Variants in RARB observed in about 807,000 individuals in gnomAD.
RARB encodes the protein retinoic acid receptor beta.
In RARB, 17 loss-of-function variants were observed where a neutral mutation model predicts 51.9. The observed-to-expected ratio is 0.33, with a 90% CI of 0.22 to 0.49. RARB has a LOEUF of 0.49. Ranked by LOEUF, RARB falls within the 20% of genes least tolerant of loss-of-function variation. The pLI, the probability that RARB is intolerant of heterozygous loss-of-function variation, is 0.99. For missense variants in RARB, 369 were observed against 550.8 expected (o/e 0.67, Z 3.30); for synonymous variants, 215 against 195.4 (o/e 1.10, Z -0.84).
chr3:25,586,389 G>A (rs1701390628), intron 5 of RARB, among the ~76,000 whole-genome samples: 1 of 152,162 alleles, frequency 6.6e-6, no homozygotes, highest in Admixed American at 6.5e-5. Context: ...CCATCTTAGG[G>A]TTGGTCGCCG....
chr3:25,000,848 T>C (rs1200361938), intron 2 of RARB, among the ~76,000 whole-genome samples: 2 of 152,192 alleles, frequency 1.3e-5, no homozygotes, highest in Admixed American at 6.6e-5. Flanking sequence ...GATTTTTATA[T>C]GTGTGTATTT....
intron 5 of RARB, among the ~76,000 whole-genome samples, chr3:25,308,268 T>TAGTTCTG (rs1704200072): frequency 6.6e-6 from 1 of 152,216 alleles, no homozygotes; most frequent in African/African-American, 2.4e-5. Context: ...TGTATTTTGA[T>TAGTTCTG]AGTTCTGTTA....
intron 3 of RARB, among the ~76,000 whole-genome samples, chr3:25,069,725 T>C (rs1452863620): frequency 6.6e-6 from 1 of 152,160 alleles, no homozygotes; most frequent in African/African-American, 2.4e-5. Context: ...GCAGGGAAAG[T>C]TAGATGAATG....
At chr3:25,201,797 G>A (rs1701397360) in intron 5 of RARB, among the ~76,000 whole-genome samples, 1 of 152,154 alleles carries the variant, frequency 6.6e-6, no homozygotes, top group Admixed American at 6.5e-5. Context: ...GATCGTGGTG[G>A]ATAAGCTTTT....
Position 25,120,527 on chromosome 3 carries a change from A to ATCTCTCTCTCTCTCTC in RARB, c.-327-11613_-327-11598dup, listed in dbSNP as rs138649959. ...AAGAAATATAAATATATATATAAAA[A>ATCTCTCTCTCTCTCTC]TCTCTCTCTCTCTCTCTCTCTCTCT... On this transcript the variant is annotated intron_variant, in intron 3 of 11. Coordinates refer to the RARB transcript ENST00000383772. Among the ~76,000 whole-genome samples, 769 of 136,126 alleles carry ATCTCTCTCTCTCTCTC rather than the reference A, an allele frequency of 5.6e-3. 19 individuals carry two copies. Among genetic ancestry groups the ATCTCTCTCTCTCTCTC allele is most frequent in the African/African-American group, 0.016 (561 of 35,626 alleles). The allele number at this position is 136,126 out of a possible 152,430, so 89.3% of individuals were successfully genotyped here. A position where few individuals can be genotyped will look rare whatever the true frequency, so the allele number is the denominator to read the frequency against.
chr3:25,283,682 G>T (rs925309117), intron 5 of RARB, among the ~76,000 whole-genome samples: 1 of 152,136 alleles, frequency 6.6e-6, no homozygotes, highest in African/African-American at 2.4e-5. Flanking sequence ...AGATCAATAC[G>T]GTCATCTGCT....
intron 3 of RARB, among the ~76,000 whole-genome samples, chr3:25,508,297 G>T (rs1210748561): frequency 6.6e-6 from 1 of 152,190 alleles, no homozygotes; most frequent in Non-Finnish European, 1.5e-5. Context: ...ACGTCCCCAT[G>T]GGTCGATTGG....
intron 5 of RARB, among the ~76,000 whole-genome samples, chr3:25,288,249 A>C (rs1398546974): frequency 6.6e-6 from 1 of 152,186 alleles, no homozygotes; most frequent in Non-Finnish European, 1.5e-5. Flanking sequence ...GAAAGGAGGA[A>C]AATGGCTAAG....
At chr3:25,183,268 GA>G (rs1700900779) in intron 5 of RARB, among the ~76,000 whole-genome samples, 1 of 152,004 alleles carries the variant, frequency 6.6e-6, no homozygotes, top group African/African-American at 2.4e-5. Flanking sequence ...AATATTTGAA[GA>G]AAGGACTTTT....
intron 2 of RARB, among the ~76,000 whole-genome samples, chr3:24,936,301 A>G (rs1559402846): frequency 6.6e-6 from 1 of 152,166 alleles, no homozygotes; most frequent in Admixed American, 6.6e-5. Context: ...AGAGTTTTCT[A>G]AATTTTACAT....
intron 3 of RARB, among the ~76,000 whole-genome samples, chr3:25,078,560 G>A (rs1698922913): frequency 6.9e-6 from 1 of 144,710 alleles, no homozygotes; most frequent in Non-Finnish European, 1.5e-5. Context: ...TTTTGAGACG[G>A]AGTTTCATTC....
chr3:24,913,186 G>A (rs1228163126), intron 2 of RARB, among the ~76,000 whole-genome samples: 9 of 151,442 alleles, frequency 5.9e-5, no homozygotes, highest in South Asian at 2.1e-4. Flanking sequence ...GGGTTTCACT[G>A]TGTTAGCCAC....
intron 2 of RARB, among the ~76,000 whole-genome samples, chr3:24,885,168 G>T (rs1373854805): frequency 2.6e-5 from 4 of 152,108 alleles, no homozygotes; most frequent in African/African-American, 9.7e-5. Context: ...TTAGCTTGGG[G>T]CAAGCAAAGA....
intron 5 of RARB, among the ~76,000 whole-genome samples, chr3:25,366,060 T>C (rs1297777093): frequency 6.6e-6 from 1 of 152,258 alleles, no homozygotes; most frequent in Non-Finnish European, 1.5e-5. Flanking sequence ...TTCTTCCTAC[T>C]GACTTTTTCC....
At chr3:24,888,627 A>G (rs913780085) in intron 2 of RARB, among the ~76,000 whole-genome samples, 1 of 152,162 alleles carries the variant, frequency 6.6e-6, no homozygotes, top group African/African-American at 2.4e-5. Flanking sequence ...TAACTGTATA[A>G]TGTTGTTTTT....
chr3:25,320,090 C>A lies in RARB; in HGVS notation c.179-141103C>A, dbSNP rs552536822. Among the ~76,000 whole-genome samples, 14 of 150,958 alleles carry A rather than the reference C, an allele frequency of 9.3e-5. No homozygotes were observed. The South Asian group carries it at 2.7e-3, about 29-fold the overall frequency. ...GATCTTTTGATGCATCAGTCTAGAC[C>A]AAGGCAAGCGCTGCTAAGGAACCTC... On this transcript the variant is annotated intron_variant, in intron 5 of 11. Coordinates refer to the RARB transcript ENST00000383772.
At chr3:25,015,900 T>G (rs1309397317) in intron 2 of RARB, among the ~76,000 whole-genome samples, 1 of 152,202 alleles carries the variant, frequency 6.6e-6, no homozygotes, top group African/African-American at 2.4e-5. Context: ...CATATCATGT[T>G]GACCCCTCCT....
At chr3:25,517,409 T>A (rs975946810) in intron 3 of RARB, among the ~76,000 whole-genome samples, 1 of 152,194 alleles carries the variant, frequency 6.6e-6, no homozygotes. Flanking sequence ...ACATCTTTAG[T>A]CATCATGGAA....
intron 4 of RARB, among the ~76,000 whole-genome samples, chr3:25,135,816 C>G (rs1426608655): frequency 6.6e-6 from 1 of 151,862 alleles, no homozygotes; most frequent in African/African-American, 2.4e-5. Flanking sequence ...AGGCACCATG[C>G]ACCAAGGCAA....
Sources: allele counts gnomAD v4.1 joint callset (sites outside exome capture counted in the v4.1 genomes callset), GRCh38; gene constraint gnomAD v4.1.1; transcripts MANE v1.5; gene names NCBI Gene and HGNC (gene_info 2026-07-23, HGNC 2026-07-21).